NRXN1: variants seen among roughly 807,000 people sequenced by gnomAD.
The protein encoded by NRXN1 is neurexin 1.
A neutral mutation model predicts 150.9 loss-of-function variants in NRXN1; 39 were observed. The observed-to-expected ratio is 0.26, with a 90% confidence interval of 0.20 to 0.34. NRXN1 has a LOEUF of 0.34. NRXN1 is among the 10% of genes least tolerant of loss of function. The pLI is 1.00. For synonymous variants in NRXN1, 924 were observed against 757.0 expected (o/e 1.22, Z -3.62); for missense variants, 1,815 against 1,949.9 (o/e 0.93, Z 1.30).
At chr2:50,964,902 T>C (rs1475062362) in intron 2 of NRXN1, among the ~76,000 whole-genome samples, 2 of 151,486 alleles carry the variant, frequency 1.3e-5, no homozygotes, top group Non-Finnish European at 3.0e-5. Flanking sequence ...AATATGAAAG[T>C]AGGCAACATA....
chr2:50,233,693 A>C (rs926188658), intron 18 of NRXN1, among the ~76,000 whole-genome samples: 2 of 152,084 alleles, frequency 1.3e-5, no homozygotes, highest in Admixed American at 6.6e-5. Flanking sequence ...AATAAGTCTA[A>C]CTTTTACAGA....
intron 21 of NRXN1, among the ~76,000 whole-genome samples, chr2:49,977,561 GGAGAA>G (rs1023690227): frequency 6.6e-6 from 1 of 152,168 alleles, no homozygotes; most frequent in African/African-American, 2.4e-5. Flanking sequence ...AGATTTAGAT[GGAGAA>G]GAGAAGGGGA....
At chr2:50,160,113 G>C (rs2059270916) in intron 18 of NRXN1, among the ~76,000 whole-genome samples, 1 of 151,974 alleles carries the variant, frequency 6.6e-6, no homozygotes, top group Non-Finnish European at 1.5e-5. Context: ...AAACCTTCAT[G>C]GCTTTTTGAC....
intron 1 of NRXN1, among the ~76,000 whole-genome samples, chr2:51,030,291 A>C (rs560899425): frequency 6.6e-6 from 1 of 152,036 alleles, no homozygotes; most frequent in Non-Finnish European, 1.5e-5. Flanking sequence ...GCACACACAC[A>C]CCCCAAATTT....
intron 2 of NRXN1, among the ~76,000 whole-genome samples, chr2:51,013,700 T>C (rs1283532457): frequency 6.6e-6 from 1 of 152,090 alleles, no homozygotes; most frequent in Non-Finnish European, 1.5e-5. Context: ...TAAGGATCTC[T>C]AGTGATACAG....
At chr2:50,060,744 T>C (rs903494947) in intron 19 of NRXN1, among the ~76,000 whole-genome samples, 16 of 152,180 alleles carry the variant, frequency 1.1e-4, no homozygotes, top group Non-Finnish European at 2.2e-4. Flanking sequence ...ATAAAGGCAG[T>C]TCCCCTGCAC....
intron 17 of NRXN1, among the ~76,000 whole-genome samples, chr2:50,329,677 T>C (rs2682000): frequency 1.2e-4 from 4 of 33,922 alleles, no homozygotes; most frequent in African/African-American, 4.5e-4. Context: ...ATATATATTT[T>C]TTTTTTTCCC....
At chr2:50,900,302 T>C (rs1175009287) in intron 5 of NRXN1, among the ~76,000 whole-genome samples, 1 of 152,152 alleles carries the variant, frequency 6.6e-6, no homozygotes. Flanking sequence ...CCATATCCTA[T>C]ATCACATTAC....
chr2:49,930,074 G>A (rs1170359527), intron 22 of NRXN1, among the ~76,000 whole-genome samples: 3 of 152,140 alleles, frequency 2.0e-5, no homozygotes, highest in Non-Finnish European at 4.4e-5. Flanking sequence ...AGAAGTCTAC[G>A]AAAAACATGT....
chr2:50,416,848 G>C (rs1049030297), intron 17 of NRXN1, among the ~76,000 whole-genome samples: 3 of 152,086 alleles, frequency 2.0e-5, no homozygotes, highest in Non-Finnish European at 4.4e-5. Flanking sequence ...GACCCTTGAG[G>C]ATTACAAGAA....
intron 19 of NRXN1, among the ~76,000 whole-genome samples, chr2:50,064,138 A>G (rs773014856): frequency 9.2e-5 from 14 of 151,998 alleles, no homozygotes; most frequent in African/African-American, 2.7e-4. Context: ...CACTAATTAC[A>G]TATGTGTGCA....
Position 49,921,620 on chromosome 2 carries a change from G to GTAGT in NRXN1, c.*320_*323dup, listed in dbSNP as rs1414339405. 1.0e-5 allele frequency: 3 copies of GTAGT among 290,830 alleles called. No individual in the cohort carries two copies. Among genetic ancestry groups the GTAGT allele is most frequent in the Admixed American group, 4.9e-5 (1 of 20,314 alleles). The allele number at this position is 290,830 out of a possible 1,614,324, so 18.0% of individuals were successfully genotyped here. On this transcript the variant is annotated 3_prime_UTR_variant, in exon 23 of 23. Coordinates refer to ENST00000401669, the MANE Select transcript of NRXN1 (RefSeq NM_001330078.2). ...GGTTTTTGTGTTGTGCCTTGATGCTGTAGTACTCCTTTGCTTTATGAATGC... is the reference window on the plus strand; with the variant it reads ...GGTTTTTGTGTTGTGCCTTGATGCTGTAGTTAGTACTCCTTTGCTTTATGAATGC...
At chr2:50,995,239 C>A (rs575615059) in intron 2 of NRXN1, among the ~76,000 whole-genome samples, 2 of 151,958 alleles carry the variant, frequency 1.3e-5, no homozygotes, top group African/African-American at 4.8e-5. Context: ...GATGAGGACA[C>A]TGAGACACAG....
At chr2:49,945,920 G>C (rs1672814943) in intron 21 of NRXN1, among the ~76,000 whole-genome samples, 2 of 152,072 alleles carry the variant, frequency 1.3e-5, no homozygotes, top group South Asian at 4.1e-4. Context: ...GGATTGCTGG[G>C]TCAAATGGTA....
chr2:50,187,487 T>TA lies in NRXN1; in HGVS notation c.3546+49301dup, dbSNP rs532574685. On this transcript the variant is annotated intron_variant, in intron 18 of 22. Transcript: ENST00000401669. ...CCAAATATGCAAATGCCTTTTTCTT[T>TA]AAAAAAAATAGTGGTAGTTTGAAAT... Among the ~76,000 whole-genome samples, 101 of 152,000 alleles carry TA rather than the reference T, an allele frequency of 6.6e-4. No individual in the cohort carries two copies. The South Asian group carries it at 0.015, about 22-fold the overall frequency.
intron 5 of NRXN1, 76 bp from the exon 6 acceptor site, chr2:50,623,691 A>G (rs910601481): frequency 1.0e-6 from 1 of 993,376 alleles, no homozygotes; most frequent in South Asian, 1.6e-5. Context: ...CAGAAACAAT[A>G]GCTAATCACT....
chr2:50,914,888 G>C (rs989874731), intron 5 of NRXN1, among the ~76,000 whole-genome samples: 1 of 151,586 alleles, frequency 6.6e-6, no homozygotes, highest in East Asian at 1.9e-4. Flanking sequence ...ATTTGTGCCA[G>C]TCACTGCTCT....
chr2:50,984,500 T>C (rs752429960), intron 2 of NRXN1, among the ~76,000 whole-genome samples: 13 of 152,024 alleles, frequency 8.6e-5, no homozygotes, highest in Non-Finnish European at 1.8e-4. Context: ...GTGCCTACTA[T>C]ATACAGGGTA....
intron 2 of NRXN1, among the ~76,000 whole-genome samples, chr2:50,997,473 A>G (rs1699478718): frequency 6.9e-6 from 1 of 144,024 alleles, no homozygotes; most frequent in Non-Finnish European, 1.5e-5. Flanking sequence ...CAAAGGAAAT[A>G]GCTCCAACTT....
Sources: gnomAD v4.1 joint callset for allele counts (sites outside exome capture counted in the v4.1 genomes callset) on GRCh38, gnomAD v4.1.1 for gene constraint, MANE v1.5 for transcripts, NCBI Gene and HGNC (gene_info 2026-07-23, HGNC 2026-07-21) for gene names.